DGKK: variants seen among roughly 807,000 people sequenced by gnomAD.
DGKK encodes diacylglycerol kinase kappa.
In DGKK, 35 loss-of-function variants were observed where a neutral mutation model predicts 92.2. The ratio of observed to expected loss-of-function variants is 0.38; its 90% CI spans 0.29 to 0.50. The LOEUF (loss-of-function observed/expected upper bound fraction) is 0.50. DGKK is among the 20% of genes least tolerant of loss of function. The probability of loss-of-function intolerance (pLI) is 0.92; values close to 1 mark genes in which losing one functional copy is unlikely to be tolerated. For synonymous variants in DGKK, 368 were observed against 360.6 expected (o/e 1.02, Z -0.23); for missense variants, 910 against 992.2 (o/e 0.92, Z 1.11).
chrX:50,376,714 CCTT>C (rs1380010462), intron 23 of DGKK, 41 bp downstream of exon 23: 6 of 1,105,364 alleles, frequency 5.4e-6, no homozygotes, highest in Non-Finnish European at 7.2e-6. Flanking sequence ...TCTCCCTATG[CCTT>C]CTTAGGATTC....
chrX:50,408,679 G>A (rs957519468), intron 4 of DGKK, among the ~76,000 whole-genome samples: 4 of 111,568 alleles, frequency 3.6e-5, no homozygotes, highest in Non-Finnish European at 5.7e-5. Flanking sequence ...CACCGCGCCC[G>A]GCCATTTTAT....
At chrX:50,467,908 C>T (rs1244488446) in intron 1 of DGKK, among the ~76,000 whole-genome samples, 3 of 112,513 alleles carry the variant, frequency 2.7e-5, no homozygotes, top group African/African-American at 9.7e-5. Context: ...TCCAGAGCCA[C>T]TGATTAGTTA....
chrX:50,370,688 C>G, intron 26 of DGKK, 139 bp from the exon 27 acceptor site: 1 of 662,979 alleles, frequency 1.5e-6, no homozygotes, highest in Non-Finnish European at 2.2e-6. Flanking sequence ...TGAGAAACAC[C>G]CCCATCACTG....
chrX:50,431,585 T>G (rs1925890063), intron 1 of DGKK, among the ~76,000 whole-genome samples: 1 of 111,664 alleles, frequency 9.0e-6, no homozygotes, highest in Admixed American at 9.5e-5. Flanking sequence ...CGGGCACAAC[T>G]GAGAAGGCCA....
At position 50,393,534 on chromosome X, in the gene DGKK, A is replaced by T. The variant is rs144225605; in HGVS notation, c.1412-199T>A. On this transcript the variant is annotated intron_variant, in intron 8 of 27. Coordinates refer to ENST00000611977, the MANE Select transcript of DGKK (RefSeq NM_001013742.4). ...GTTGTATTTGTCTAGCTGTTGTCAG[A>T]CAAATGACATTTGCTGAGCCACTAC... is the stretch of plus-strand genomic sequence containing the variant. 4.5e-5 allele frequency among the ~76,000 whole-genome samples: 5 copies of T among 111,759 alleles called. No homozygotes were observed. The East Asian group carries it at 1.4e-3, about 32-fold the overall frequency.
At chrX:50,414,705 C>T (rs1925389338) in intron 4 of DGKK, among the ~76,000 whole-genome samples, 1 of 111,225 alleles carries the variant, frequency 9.0e-6, no homozygotes, top group Non-Finnish European at 1.9e-5. Flanking sequence ...GTCCACATTA[C>T]AAAAAATAAG....
intron 16 of DGKK, 50 bp from the exon 17 acceptor site, chrX:50,384,314 T>C (rs1924485433): frequency 2.2e-6 from 2 of 895,252 alleles, no homozygotes; most frequent in African/African-American, 4.1e-5. Flanking sequence ...AAAAAAGCCC[T>C]TTCCCCTCAC....
chrX:50,448,593 G>A (rs1934177), intron 1 of DGKK, among the ~76,000 whole-genome samples: 49,614 of 109,816 alleles, frequency 0.45, 9,724 homozygotes, highest in African/African-American at 0.76. Flanking sequence ...CATGGAGGGC[G>A]TGAGGTAGGG....
At chrX:50,407,148 G>A (rs1450702834) in intron 4 of DGKK, among the ~76,000 whole-genome samples, 1 of 111,804 alleles carries the variant, frequency 8.9e-6, no homozygotes, top group Non-Finnish European at 1.9e-5. Flanking sequence ...TAGACTTTGT[G>A]AGCAATAAAC....
chrX:50,470,091 C>T lies in DGKK; in HGVS notation c.588G>A (p.Ser196=), dbSNP rs1927018458. 8.3e-7 allele frequency: 1 copy of T among 1,210,785 alleles called. No homozygotes were observed. Among genetic ancestry groups the T allele is most frequent in the Admixed American group, 2.2e-5 (1 of 45,998 alleles). The part of the protein sequence containing the change: ...VDTRERGLKT[S]PSPSPSPSPR... ...GCGATGGCGATGGCGATGGCGATGG[C>T]GAGGTCTTTAGACCTCTCTCTCGAG... The change falls in exon 1 of 28, where the codon TCG becomes TCA. Residue 196 remains serine, a synonymous_variant. Coordinates refer to ENST00000611977, the MANE Select transcript of DGKK (RefSeq NM_001013742.4).
intron 11 of DGKK, 63 bp downstream of exon 11, chrX:50,391,374 T>C: frequency 8.7e-7 from 1 of 1,145,219 alleles, no homozygotes; most frequent in Admixed American, 2.3e-5. Context: ...TATTCCTGAT[T>C]GAGATGATGT....
Position 50,379,977 on chromosome X carries a change from T to C in DGKK, c.2754+4A>G, listed in dbSNP as rs1557224284. 4 of 1,210,336 alleles carry C rather than the reference T, an allele frequency of 3.3e-6. No individual in the cohort carries two copies. ...CAGGAAAGACTACCCGCTTTTCCAC[T>C]AACCTCCAAATGCACTCGTTCTTCC... On this transcript the variant is annotated splice_donor_region_variant and intron_variant, in intron 19 of 27. Transcript: ENST00000611977.
rs1925558954 is a variant in DGKK at position 50,420,618 on chromosome X, C to T, written c.838-111G>A. On this transcript the variant is annotated intron_variant, in intron 3 of 27. Transcript: ENST00000611977. Reference sequence around the variant, plus strand: ...CAGATGTACCAAGCACAACATAAGCCACTTCTTGAATATAAGACAGACATT... The same window carrying T: ...CAGATGTACCAAGCACAACATAAGCTACTTCTTGAATATAAGACAGACATT... The T allele has an allele frequency of 4.9e-6, 3 of 614,231 alleles. No homozygotes were observed. The South Asian group carries it at 9.8e-5, about 20-fold the overall frequency. 50.6% of individuals were successfully genotyped at this position (614,231 alleles called of 1,213,427 possible). A position where few individuals can be genotyped will look rare whatever the true frequency, so the allele number is the denominator to read the frequency against.
intron 1 of DGKK, among the ~76,000 whole-genome samples, chrX:50,469,046 C>T (rs1425619681): frequency 1.8e-5 from 2 of 111,002 alleles, no homozygotes; most frequent in African/African-American, 6.6e-5. Context: ...TAAGAGCAGA[C>T]GGGGTTTCAG....
intron 1 of DGKK, among the ~76,000 whole-genome samples, chrX:50,429,807 C>A (rs972732992): frequency 1.8e-5 from 2 of 112,469 alleles, no homozygotes; most frequent in African/African-American, 6.5e-5. Context: ...CATTCGTTGG[C>A]GGGCGAGAAG....
intron 5 of DGKK, 98 bp from the exon 6 acceptor site, chrX:50,403,695 C>T (rs1261860682): frequency 1.4e-6 from 1 of 706,962 alleles, no homozygotes; most frequent in African/African-American, 2.1e-5. Flanking sequence ...AACACAGATG[C>T]ATTCTAAATA....
intron 1 of DGKK, among the ~76,000 whole-genome samples, chrX:50,440,572 G>T (rs1373839882): frequency 9.0e-6 from 1 of 111,603 alleles, no homozygotes. Flanking sequence ...TCTAGATGTA[G>T]AGTTATACAG....
chrX:50,378,505 G>T, intron 21 of DGKK, 73 bp downstream of exon 21: 1 of 945,506 alleles, frequency 1.1e-6, no homozygotes, highest in Admixed American at 2.7e-5. Context: ...GTTAATTCCT[G>T]GGACTATCCC....
chrX:50,411,804 A>T (rs1308288499), intron 4 of DGKK, among the ~76,000 whole-genome samples: 2 of 111,677 alleles, frequency 1.8e-5, no homozygotes, highest in East Asian at 2.8e-4. Context: ...TGATGACATG[A>T]CCTTATATAT....
Sources: gnomAD v4.1 joint callset for allele counts (sites outside exome capture counted in the v4.1 genomes callset) on GRCh38, gnomAD v4.1.1 for gene constraint, MANE v1.5 for transcripts, NCBI Gene and HGNC (gene_info 2026-07-23, HGNC 2026-07-21) for gene names.